EBF2: variants seen among roughly 807,000 people sequenced by gnomAD.
EBF2 encodes the protein EBF transcription factor 2.
A neutral mutation model predicts 72.8 loss-of-function variants in EBF2; 21 were observed. The ratio of observed to expected loss-of-function variants is 0.29; its 90% CI spans 0.20 to 0.42. The LOEUF is 0.42. Ranked by LOEUF, EBF2 falls within the 10% of genes least tolerant of loss-of-function variation. The probability of loss-of-function intolerance (pLI) is 1.00; values close to 1 mark genes in which losing one functional copy is unlikely to be tolerated. For missense variants in EBF2, 637 were observed against 731.2 expected (o/e 0.87, Z 1.49); for synonymous variants, 299 against 274.2 (o/e 1.09, Z -0.89).
At chr8:25,933,083 T>C (rs1803511872) in intron 6 of EBF2, among the ~76,000 whole-genome samples, 1 of 152,194 alleles carries the variant, frequency 6.6e-6, no homozygotes. Context: ...TTGTTTTGTT[T>C]TCTCCCCCTT....
chr8:25,941,649 G>A (rs1392466673), intron 6 of EBF2, among the ~76,000 whole-genome samples: 6 of 152,126 alleles, frequency 3.9e-5, no homozygotes, highest in African/African-American at 1.4e-4. Flanking sequence ...CCTAGTCTGT[G>A]CCCTAAGCTA....
At chr8:25,854,349 A>G (rs779914324) in intron 14 of EBF2, among the ~76,000 whole-genome samples, 1 of 151,956 alleles carries the variant, frequency 6.6e-6, no homozygotes, top group Non-Finnish European at 1.5e-5. Context: ...TCTGTTCCCC[A>G]TTCTTATGAC....
chr8:25,968,552 T>C (rs1804147370), intron 6 of EBF2, among the ~76,000 whole-genome samples: 1 of 152,038 alleles, frequency 6.6e-6, no homozygotes, highest in Non-Finnish European at 1.5e-5. Context: ...GAGTTGTTGT[T>C]TAATGGGTAC....
intron 6 of EBF2, among the ~76,000 whole-genome samples, chr8:25,971,388 G>A (rs558880518): frequency 1.1e-4 from 16 of 152,266 alleles, no homozygotes; most frequent in African/African-American, 1.4e-4. Context: ...TTAATGCCCC[G>A]TATGAAGGTG....
chr8:25,929,339 A>G (rs1803442075), intron 6 of EBF2, among the ~76,000 whole-genome samples: 1 of 152,182 alleles, frequency 6.6e-6, no homozygotes, highest in Non-Finnish European at 1.5e-5. Context: ...GTCCTAATCC[A>G]ACTCCTGTTA....
At chr8:25,970,895 C>T (rs939481079) in intron 6 of EBF2, among the ~76,000 whole-genome samples, 1 of 152,108 alleles carries the variant, frequency 6.6e-6, no homozygotes, top group African/African-American at 2.4e-5. Context: ...TGCAGTGGCG[C>T]GATCACAGCT....
Position 25,979,790 on chromosome 8 carries a change from T to A in EBF2, c.551+53295A>T, listed in dbSNP as rs576662518. Reference sequence around the variant, plus strand: ...TACGATGGGCCATATGTCACCAAAATAAAAACCCAGCTGAAATCCCAGTAC... The same window carrying A: ...TACGATGGGCCATATGTCACCAAAAAAAAAACCCAGCTGAAATCCCAGTAC... On this transcript the variant is annotated intron_variant, in intron 6 of 15. Transcript: ENST00000520164. Among the ~76,000 whole-genome samples, 569 of 151,924 alleles carry A rather than the reference T, an allele frequency of 3.7e-3. 4 individuals are homozygous for A. Among genetic ancestry groups the A allele is most frequent in the African/African-American group, 0.013 (540 of 41,412 alleles).
Position 25,858,494 on chromosome 8 carries a change from G to A in EBF2, c.1353C>T (p.Arg451=), listed in dbSNP as rs1802142717. 1 of 1,613,658 alleles carries A rather than the reference G, an allele frequency of 6.2e-7. No individual in the cohort carries two copies. Among genetic ancestry groups the A allele is most frequent in the Non-Finnish European group, 8.5e-7 (1 of 1,179,934 alleles). Residue 451 remains arginine, a synonymous_variant, in exon 14 of 16, where the codon CGC becomes CGT. Coordinates refer to ENST00000520164, the MANE Select transcript of EBF2 (RefSeq NM_022659.4). The stretch of plus-strand genomic sequence containing the variant: ...CCCGCGGAGAGATGCTGCTTGTGTT[G>A]CGGATGTACCCTTGGCAACAAAGAA... ...STQGNNQGYI[R]NTSSISPRGY...
At chr8:25,943,673 T>C (rs1369640615) in intron 6 of EBF2, among the ~76,000 whole-genome samples, 1 of 152,134 alleles carries the variant, frequency 6.6e-6, no homozygotes, top group Non-Finnish European at 1.5e-5. Context: ...CCCCATGGGT[T>C]AGGTAAAACT....
intron 6 of EBF2, among the ~76,000 whole-genome samples, chr8:25,994,022 T>C (rs535313759): frequency 8.0e-4 from 122 of 152,296 alleles, no homozygotes; most frequent in African/African-American, 2.8e-3. Context: ...AGGACCTATA[T>C]ACCCTGCTTG....
chr8:25,894,451 T>C (rs2117298044), intron 7 of EBF2, among the ~76,000 whole-genome samples: 1 of 152,218 alleles, frequency 6.6e-6, no homozygotes, highest in East Asian at 1.9e-4. Flanking sequence ...CCAACTTCTT[T>C]CCCCTAGTGA....
At chr8:25,955,142 A>G in intron 6 of EBF2, among the ~76,000 whole-genome samples, 1 of 151,812 alleles carries the variant, frequency 6.6e-6, no homozygotes, top group East Asian at 1.9e-4. Flanking sequence ...AGAGCATACC[A>G]CTCTAGCGCC....
chr8:25,965,500 C>T (rs1446117962), intron 6 of EBF2, among the ~76,000 whole-genome samples: 1 of 151,974 alleles, frequency 6.6e-6, no homozygotes, highest in Non-Finnish European at 1.5e-5. Flanking sequence ...TCTCAGTTGC[C>T]AAAAATAATA....
chr8:25,961,367 T>G (rs1403594770), intron 6 of EBF2, among the ~76,000 whole-genome samples: 3 of 152,196 alleles, frequency 2.0e-5, no homozygotes. Flanking sequence ...TATGAGGTTT[T>G]TTGTTTTTTG....
chr8:25,860,244 ATTTG>A (rs955623445), intron 13 of EBF2, among the ~76,000 whole-genome samples: 1 of 152,172 alleles, frequency 6.6e-6, no homozygotes, highest in Non-Finnish European at 1.5e-5. Flanking sequence ...TTGTCTTTAT[ATTTG>A]TTTGTTGTTA....
Position 26,044,891 on chromosome 8 carries a change from AAAGT to A in EBF2, c.-36_-33del, listed in dbSNP as rs1452835708. The A allele has an allele frequency of 6.2e-6, 10 of 1,611,174 alleles. No homozygotes were observed. The highest frequency in any genetic ancestry group is 2.2e-5 in the East Asian group (1 of 44,846). On this transcript the variant is annotated 5_prime_UTR_variant, in exon 1 of 16. Coordinates refer to ENST00000520164, the MANE Select transcript of EBF2 (RefSeq NM_022659.4). The surrounding 1 kb of genome is among the most constrained non-coding windows in gnomAD (Gnocchi z 4.1). ...AGTCTGATCCTCTACTGTCGCTTTA[AAAGT>A]AAGAGTTACAACACAGTCCTGACTG...
At chr8:25,918,009 G>A (rs1293170666) in intron 6 of EBF2, among the ~76,000 whole-genome samples, 3 of 152,172 alleles carry the variant, frequency 2.0e-5, no homozygotes, top group Non-Finnish European at 4.4e-5. Flanking sequence ...AATCAAGGTT[G>A]GACAACTATT....
chr8:25,924,936 C>T (rs1440318813), intron 6 of EBF2, among the ~76,000 whole-genome samples: 2 of 152,188 alleles, frequency 1.3e-5, no homozygotes, highest in Non-Finnish European at 2.9e-5. Flanking sequence ...ACCAGATGCA[C>T]AGAAAATAAG....
At chr8:25,889,120 AACATTCT>A (rs1204090947) in intron 8 of EBF2, among the ~76,000 whole-genome samples, 5 of 152,194 alleles carry the variant, frequency 3.3e-5, no homozygotes, top group African/African-American at 1.2e-4. Context: ...TAGTTTGACC[AACATTCT>A]GTATTATAAG....
Sources: gnomAD v4.1 joint callset for allele counts (sites outside exome capture counted in the v4.1 genomes callset) on GRCh38, gnomAD v4.1.1 for gene constraint, Gnocchi (gnomAD v3.1) non-coding constraint, MANE v1.5 for transcripts, NCBI Gene and HGNC (gene_info 2026-07-23, HGNC 2026-07-21) for gene names.